The following BCKDHB variants were observed in gnomAD, a reference collection of about 807,000 sequenced individuals.
BCKDHB encodes 2-oxoisovalerate dehydrogenase subunit beta, mitochondrial.
BCKDHB carries 41 observed loss-of-function variants against 48.5 expected under a neutral mutation model. That is an observed-to-expected ratio of 0.85 (90% CI 0.66 to 1.10). The LOEUF is 1.10. Among genes scored for constraint, BCKDHB ranks in the 50% least tolerant of loss-of-function variants. BCKDHB has a pLI of 0.00. For synonymous variants in BCKDHB, 201 were observed against 174.8 expected (o/e 1.15, Z -1.18); for missense variants, 496 against 494.2 (o/e 1.00, Z -0.03).
chr6:80,159,787 T>C (rs1460699216), intron 3 of BCKDHB, among the ~76,000 whole-genome samples: 1 of 152,238 alleles, frequency 6.6e-6, no homozygotes, highest in Non-Finnish European at 1.5e-5. Flanking sequence ...ATTTTGTAGC[T>C]TAGTCACAAA....
chr6:80,416,499 A>G, the BCKDHB span, among the ~76,000 whole-genome samples: 1 of 151,970 alleles, frequency 6.6e-6, no homozygotes, highest in Non-Finnish European at 1.5e-5. Flanking sequence ...CATTAGCTTC[A>G]AAGAGCTTCT....
At chr6:80,236,588 A>G (rs140300961) in intron 8 of BCKDHB, among the ~76,000 whole-genome samples, 202 of 152,328 alleles carry the variant, frequency 1.3e-3, no homozygotes, top group African/African-American at 4.7e-3. Context: ...ATATTTACTC[A>G]TTTATTCCTT....
At chr6:80,376,587 A>G in the BCKDHB span, among the ~76,000 whole-genome samples, 6 of 152,024 alleles carry the variant, frequency 3.9e-5, no homozygotes, top group African/African-American at 1.4e-4. Context: ...AAAGTTCACA[A>G]TGTGAATTTC....
At chr6:80,215,012 AT>A (rs1420147369) in intron 8 of BCKDHB, among the ~76,000 whole-genome samples, 3 of 152,206 alleles carry the variant, frequency 2.0e-5, no homozygotes, top group Non-Finnish European at 2.9e-5. Context: ...TAATAAAGTC[AT>A]TTTAAGTCAT....
chr6:80,140,789 G>A (rs1208465549), intron 3 of BCKDHB, among the ~76,000 whole-genome samples: 2 of 152,110 alleles, frequency 1.3e-5, no homozygotes, highest in African/African-American at 4.8e-5. Context: ...TCTCTGCCTG[G>A]CTTTGGTATC....
chr6:80,414,663 C>A, the BCKDHB span, among the ~76,000 whole-genome samples: 8 of 152,044 alleles, frequency 5.3e-5, no homozygotes, highest in South Asian at 2.1e-4. Context: ...TTTACTGTAG[C>A]CTTGTACAAT....
At chr6:80,439,550 G>A in the BCKDHB span, among the ~76,000 whole-genome samples, 41 of 152,204 alleles carry the variant, frequency 2.7e-4, no homozygotes, top group East Asian at 6.6e-3. Context: ...GACTTAAAAC[G>A]AAGTTCCCAA....
intron 9 of BCKDHB, among the ~76,000 whole-genome samples, chr6:80,309,583 TTTTGTTTGTTTG>T (rs536383356): frequency 1.3e-5 from 2 of 152,104 alleles, no homozygotes; most frequent in East Asian, 1.9e-4. Context: ...CTGTGGTTTT[TTTTGTTTGTTTG>T]TTTGTTTGTT....
chr6:80,391,404 G>A, the BCKDHB span, among the ~76,000 whole-genome samples: 1 of 152,144 alleles, frequency 6.6e-6, no homozygotes, highest in East Asian at 1.9e-4. Context: ...TCATGCAAGA[G>A]AGAGGCAGAG....
At chr6:80,336,966 T>A (rs192104847) in intron 9 of BCKDHB, among the ~76,000 whole-genome samples, 1 of 152,230 alleles carries the variant, frequency 6.6e-6, no homozygotes, top group East Asian at 1.9e-4. Context: ...AAACTTTATT[T>A]TTCAAACATG....
chr6:80,279,238 C>T (rs1778098201), intron 9 of BCKDHB, among the ~76,000 whole-genome samples: 1 of 152,078 alleles, frequency 6.6e-6, no homozygotes. Flanking sequence ...ACTGCAACCT[C>T]TGCCTCCCGG....
At chr6:80,120,951 G>C (rs952961182) in intron 1 of BCKDHB, among the ~76,000 whole-genome samples, 1 of 152,130 alleles carries the variant, frequency 6.6e-6, no homozygotes, top group Non-Finnish European at 1.5e-5. Context: ...CCTATGTCCT[G>C]AATGGTATTG....
At chr6:80,460,214 T>C in the BCKDHB span, among the ~76,000 whole-genome samples, 2 of 152,122 alleles carry the variant, frequency 1.3e-5, no homozygotes, top group Non-Finnish European at 2.9e-5. Context: ...AATTGAGATA[T>C]CACAAGTAAT....
At chr6:80,271,604 C>G (rs1050734225) in intron 8 of BCKDHB, among the ~76,000 whole-genome samples, 2 of 152,068 alleles carry the variant, frequency 1.3e-5, no homozygotes, top group African/African-American at 4.8e-5. Flanking sequence ...AGGGTACCAG[C>G]ATTTTTATAG....
In BCKDHB at chr6:80,251,043, C is replaced by T. The variant is rs528687010; in HGVS notation, c.952-22092C>T. Among the ~76,000 whole-genome samples, 3 of 152,262 alleles carry T rather than the reference C, an allele frequency of 2.0e-5. No individual in the cohort carries two copies. The East Asian group carries it at 5.8e-4, about 29-fold the overall frequency. On this transcript the variant is annotated intron_variant, in intron 8 of 9. Coordinates refer to ENST00000320393, the MANE Select transcript of BCKDHB (RefSeq NM_183050.4). ...CCGGGAGATTAGGATTCTTGTTTGG[C>T]TTCACTACTGACTAGATAGTATTAA...
At chr6:80,119,571 C>G (rs1359598183) in intron 1 of BCKDHB, among the ~76,000 whole-genome samples, 2 of 152,128 alleles carry the variant, frequency 1.3e-5, no homozygotes, top group East Asian at 1.9e-4. Context: ...TCCGCACCCC[C>G]CTTGGCCTCA....
At chr6:80,247,231 C>T (rs1776654704) in intron 8 of BCKDHB, among the ~76,000 whole-genome samples, 1 of 152,200 alleles carries the variant, frequency 6.6e-6, no homozygotes, top group South Asian at 2.1e-4. Context: ...AACAATAATG[C>T]CTTTGTCCTT....
At chr6:80,343,185 A>G (rs1770009878) in intron 9 of BCKDHB, among the ~76,000 whole-genome samples, 1 of 152,234 alleles carries the variant, frequency 6.6e-6, no homozygotes, top group African/African-American at 2.4e-5. Context: ...GAGAGATGAG[A>G]ACACAGTTAA....
intron 3 of BCKDHB, among the ~76,000 whole-genome samples, chr6:80,151,554 G>A (rs895247696): frequency 6.6e-6 from 1 of 151,966 alleles, no homozygotes; most frequent in Admixed American, 6.6e-5. Context: ...TATTTTGAAA[G>A]AACAATATCA....
Sources: gnomAD v4.1 joint callset for allele counts (sites outside exome capture counted in the v4.1 genomes callset) on GRCh38, gnomAD v4.1.1 for gene constraint, MANE v1.5 for transcripts, NCBI Gene and HGNC (gene_info 2026-07-23, HGNC 2026-07-21) for gene names.